Variants in AGBL1 observed in about 807,000 individuals in gnomAD.
The protein encoded by AGBL1 is cytosolic carboxypeptidase 4.
In AGBL1, 130 loss-of-function variants were observed where a neutral mutation model predicts 118.9. That is an observed-to-expected ratio of 1.09 (90% confidence interval 0.95 to 1.26). The LOEUF is 1.26. Among genes scored for constraint, AGBL1 ranks in the 50% most tolerant of loss-of-function variants. The pLI, the probability that AGBL1 is intolerant of heterozygous loss-of-function variation, is 0.00. For missense variants in AGBL1, 1,584 were observed against 1,298.1 expected, an observed-to-expected ratio of 1.22 and a Z score of -3.38; for synonymous variants, 555 against 478.9, an observed-to-expected ratio of 1.16 and a Z score of -2.08.
chr15:86,893,904 C>A (rs972804489), intron 22 of AGBL1, among the ~76,000 whole-genome samples: 1 of 152,132 alleles, frequency 6.6e-6, no homozygotes, highest in African/African-American at 2.4e-5. Context: ...CAATAAGATT[C>A]CCATTTTACA....
chr15:86,204,801 C>T (rs1020570452), intron 5 of AGBL1, among the ~76,000 whole-genome samples: 1 of 151,964 alleles, frequency 6.6e-6, no homozygotes, highest in Admixed American at 6.6e-5. Context: ...TGTTGGCCAG[C>T]CTGGTCTTGA....
At chr15:86,444,761 A>G (rs745652090) in intron 18 of AGBL1, among the ~76,000 whole-genome samples, 30 of 152,312 alleles carry the variant, frequency 2.0e-4, no homozygotes, top group Non-Finnish European at 3.8e-4. Context: ...TGCAGTCAAA[A>G]GACCGGCACA....
At chr15:86,086,877 G>A (rs935543798) in intron 1 of AGBL1, among the ~76,000 whole-genome samples, 1 of 152,108 alleles carries the variant, frequency 6.6e-6, no homozygotes, top group Non-Finnish European at 1.5e-5. Flanking sequence ...TGATATTTGG[G>A]GTAGTTTCCA....
chr15:86,721,216 A>G (rs1180866443), intron 22 of AGBL1, among the ~76,000 whole-genome samples: 1 of 152,206 alleles, frequency 6.6e-6, no homozygotes, highest in Non-Finnish European at 1.5e-5. Flanking sequence ...TTTTAGACCA[A>G]TATTCCTGAT....
At chr15:86,474,041 T>C (rs1359160643) in intron 18 of AGBL1, among the ~76,000 whole-genome samples, 2 of 152,188 alleles carry the variant, frequency 1.3e-5, no homozygotes, top group Non-Finnish European at 2.9e-5. Context: ...TTATTTTTAA[T>C]GAGTAGATTT....
At chr15:86,528,413 G>A (rs1257047254) in intron 19 of AGBL1, among the ~76,000 whole-genome samples, 3 of 152,250 alleles carry the variant, frequency 2.0e-5, no homozygotes, top group Admixed American at 2.0e-4. Context: ...CTTAAAAAAC[G>A]GCGCACCACG....
chr15:86,881,053 G>T (rs1259680838), intron 22 of AGBL1, among the ~76,000 whole-genome samples: 1 of 152,142 alleles, frequency 6.6e-6, no homozygotes, highest in Non-Finnish European at 1.5e-5. Context: ...CCACACTGAT[G>T]GGATGGGGGA....
At chr15:86,420,483 A>T (rs1245868751) in intron 18 of AGBL1, among the ~76,000 whole-genome samples, 1 of 152,236 alleles carries the variant, frequency 6.6e-6, no homozygotes, top group South Asian at 2.1e-4. Flanking sequence ...TCAAAGACCA[A>T]GGTAGATAAA....
At chr15:86,356,793 T>G (rs1276441808) in intron 17 of AGBL1, among the ~76,000 whole-genome samples, 1 of 152,220 alleles carries the variant, frequency 6.6e-6, no homozygotes. Flanking sequence ...ATTTGCTCTG[T>G]AGCTCTTCTG....
At chr15:86,958,604 A>T (rs899740085) in intron 23 of AGBL1, among the ~76,000 whole-genome samples, 1 of 152,208 alleles carries the variant, frequency 6.6e-6, no homozygotes, top group Non-Finnish European at 1.5e-5. Flanking sequence ...TGCTATACAC[A>T]TAAATCTATT....
At chr15:86,329,912 C>T (rs928669207) in intron 17 of AGBL1, among the ~76,000 whole-genome samples, 1 of 152,230 alleles carries the variant, frequency 6.6e-6, no homozygotes. Context: ...TCCAGGCATC[C>T]AGAGCATCCA....
intron 5 of AGBL1, among the ~76,000 whole-genome samples, chr15:86,210,808 C>T (rs2078081657): frequency 6.6e-6 from 1 of 152,176 alleles, no homozygotes; most frequent in African/African-American, 2.4e-5. Flanking sequence ...CTTCTGAAGC[C>T]TGCTTCTGTG....
At chr15:86,371,031 C>G (rs918676094) in intron 17 of AGBL1, among the ~76,000 whole-genome samples, 2 of 152,032 alleles carry the variant, frequency 1.3e-5, no homozygotes, top group African/African-American at 2.4e-5. Flanking sequence ...ATATATAAAG[C>G]CTGAAAATGG....
At chr15:86,500,004 G>C (rs1428437551) in intron 18 of AGBL1, among the ~76,000 whole-genome samples, 2 of 151,872 alleles carry the variant, frequency 1.3e-5, no homozygotes, top group Non-Finnish European at 2.9e-5. Flanking sequence ...TACTGAAAGA[G>C]CTTGTCAGTT....
intron 22 of AGBL1, among the ~76,000 whole-genome samples, chr15:86,682,205 A>T (rs1567119656): frequency 6.6e-6 from 1 of 152,170 alleles, no homozygotes; most frequent in Non-Finnish European, 1.5e-5. Flanking sequence ...TCCGCCTGGG[A>T]ATTATTATAG....
chr15:86,156,794 C>CT (rs773611214), intron 4 of AGBL1, among the ~76,000 whole-genome samples: 29,890 of 105,490 alleles, frequency 0.28, 3,713 homozygotes, highest in Non-Finnish European at 0.31. Context: ...TCTTTTCTTT[C>CT]TTTTTTTTTT....
intron 18 of AGBL1, among the ~76,000 whole-genome samples, chr15:86,440,239 T>C (rs1022915901): frequency 6.6e-6 from 1 of 152,104 alleles, no homozygotes; most frequent in African/African-American, 2.4e-5. Context: ...TTAATGCTAT[T>C]TTCATGAGGG....
intron 19 of AGBL1, among the ~76,000 whole-genome samples, chr15:86,524,361 C>T (rs920116684): frequency 1.3e-5 from 2 of 152,178 alleles, no homozygotes; most frequent in African/African-American, 4.8e-5. Flanking sequence ...GTATTACCTT[C>T]AGAGGACACA....
At chr15:86,200,579 A>G (rs1402555956) in intron 5 of AGBL1, among the ~76,000 whole-genome samples, 1 of 78,976 alleles carries the variant, frequency 1.3e-5, no homozygotes, top group African/African-American at 4.9e-5. Context: ...TTTTGCTCCC[A>G]TCATGGTGTT....
Sources: gnomAD v4.1 joint callset for allele counts (sites outside exome capture counted in the v4.1 genomes callset) on GRCh38, gnomAD v4.1.1 for gene constraint, MANE v1.5 for transcripts, NCBI Gene and HGNC (gene_info 2026-07-23, HGNC 2026-07-21) for gene names.